Variants in KCNIP4 observed in about 807,000 individuals in gnomAD.
KCNIP4 encodes potassium voltage-gated channel interacting protein 4.
A neutral mutation model predicts 34.0 loss-of-function variants in KCNIP4; 12 were observed. The observed-to-expected ratio is 0.35, with a 90% CI of 0.23 to 0.57. The LOEUF (loss-of-function observed/expected upper bound fraction) is 0.57. Ranked by LOEUF, KCNIP4 falls within the 20% of genes least tolerant of loss-of-function variation. The pLI is 0.83. For synonymous variants in KCNIP4, 124 were observed against 102.2 expected (o/e 1.21, Z -1.29); for missense variants, 238 against 311.7 (o/e 0.76, Z 1.78).
In KCNIP4 at chr4:21,454,877, G is replaced by A. The variant is rs545165269; in HGVS notation, c.61+493694C>T. Among the ~76,000 whole-genome samples, 22 of 152,108 alleles carry A rather than the reference G, an allele frequency of 1.4e-4. No homozygotes were observed. The South Asian group carries it at 4.6e-3, about 32-fold the overall frequency. ...ATGCAACTTATTGGAAAGATACAGG[G>A]GTAGGAATCCAAGAAATATTTGGAC... On this transcript the variant is annotated intron_variant, in intron 1 of 8. Transcript: ENST00000382152.
At chr4:21,048,665 A>G (rs1742641451) in intron 1 of KCNIP4, among the ~76,000 whole-genome samples, 3 of 152,230 alleles carry the variant, frequency 2.0e-5, no homozygotes, top group African/African-American at 7.2e-5. Flanking sequence ...GAGTGAAAGA[A>G]TACTTGTAAG....
chr4:21,737,978 GCTACT>G (rs927135878), intron 1 of KCNIP4, among the ~76,000 whole-genome samples: 1 of 151,874 alleles, frequency 6.6e-6, no homozygotes, highest in Admixed American at 6.6e-5. Context: ...TGTAGTCCCA[GCTACT>G]CTGCAGGCTG....
At chr4:21,375,962 T>C (rs1219459716) in intron 1 of KCNIP4, among the ~76,000 whole-genome samples, 1 of 152,118 alleles carries the variant, frequency 6.6e-6, no homozygotes, top group Non-Finnish European at 1.5e-5. Flanking sequence ...TCCTAAGAGA[T>C]AAGGAATTTC....
chr4:20,929,708 C>A (rs981434915), intron 1 of KCNIP4, among the ~76,000 whole-genome samples: 4 of 151,834 alleles, frequency 2.6e-5, no homozygotes, highest in African/African-American at 9.7e-5. Flanking sequence ...AATCAACATA[C>A]AAAAATCAGT....
At chr4:20,890,042 C>A (rs1037970380) in intron 1 of KCNIP4, among the ~76,000 whole-genome samples, 10 of 152,150 alleles carry the variant, frequency 6.6e-5, no homozygotes, top group African/African-American at 2.4e-4. Context: ...ATCTAACCAT[C>A]TGCATCTATT....
At chr4:21,077,256 C>G (rs1197361008) in intron 1 of KCNIP4, among the ~76,000 whole-genome samples, 1 of 152,112 alleles carries the variant, frequency 6.6e-6, no homozygotes, top group Admixed American at 6.6e-5. Context: ...TCAAGGTGAT[C>G]TAAAGGGTTA....
chr4:21,018,871 A>T (rs1300830936), intron 1 of KCNIP4, among the ~76,000 whole-genome samples: 1 of 152,174 alleles, frequency 6.6e-6, no homozygotes, highest in Non-Finnish European at 1.5e-5. Flanking sequence ...GAGAGTTTGG[A>T]TAGGGTTAAT....
chr4:20,996,985 A>T (rs966226141), intron 1 of KCNIP4, among the ~76,000 whole-genome samples: 1 of 152,198 alleles, frequency 6.6e-6, no homozygotes, highest in South Asian at 2.1e-4. Context: ...CATGAAGTGC[A>T]TCAGCAAAAT....
chr4:21,334,752 A>T (rs6448045), intron 1 of KCNIP4, among the ~76,000 whole-genome samples: 82,226 of 151,780 alleles, frequency 0.54, 23,281 homozygotes, highest in African/African-American at 0.72. Flanking sequence ...TTTATATAAA[A>T]TGTATTATAC....
intron 1 of KCNIP4, among the ~76,000 whole-genome samples, chr4:20,972,252 T>C (rs955722404): frequency 2.0e-5 from 3 of 152,226 alleles, no homozygotes; most frequent in African/African-American, 7.2e-5. Flanking sequence ...CTTAATGGCA[T>C]ACAGAATGGT....
chr4:20,875,890 C>T (rs1199636447), intron 2 of KCNIP4, among the ~76,000 whole-genome samples: 1 of 152,190 alleles, frequency 6.6e-6, no homozygotes, highest in East Asian at 1.9e-4. Flanking sequence ...AAAAACAAAA[C>T]ACACTGAAAT....
intron 1 of KCNIP4, among the ~76,000 whole-genome samples, chr4:21,094,438 T>C (rs988216373): frequency 1.4e-4 from 21 of 152,150 alleles, no homozygotes; most frequent in Non-Finnish European, 3.1e-4. Flanking sequence ...GGCTAGAAGA[T>C]TGCCAGAGAT....
chr4:21,241,418 G>A lies in KCNIP4; in HGVS notation c.62-358709C>T, dbSNP rs542576650. 2.1e-4 allele frequency among the ~76,000 whole-genome samples: 32 copies of A among 152,208 alleles called. 1 individual carries two copies. Among genetic ancestry groups the A allele is most frequent in the African/African-American group, 7.0e-4 (29 of 41,528 alleles). On this transcript the variant is annotated intron_variant, in intron 1 of 8. Coordinates refer to ENST00000382152, the MANE Select transcript of KCNIP4 (RefSeq NM_025221.6). ...GTGAACACTTCTTGAAGAGGAAATG[G>A]GTTCATTCTTTGACATTCACAGAGG...
At chr4:21,181,921 G>T (rs1754872207) in intron 1 of KCNIP4, among the ~76,000 whole-genome samples, 1 of 152,042 alleles carries the variant, frequency 6.6e-6, no homozygotes, top group African/African-American at 2.4e-5. Flanking sequence ...TCAAACATTT[G>T]CTTTACTAAA....
chr4:21,380,597 T>C (rs1298949189), intron 1 of KCNIP4, among the ~76,000 whole-genome samples: 1 of 152,008 alleles, frequency 6.6e-6, no homozygotes. Flanking sequence ...CAAGAATAAA[T>C]CAATGAAATG....
At chr4:20,736,677 T>C (rs1026177524) in intron 5 of KCNIP4, among the ~76,000 whole-genome samples, 3 of 152,232 alleles carry the variant, frequency 2.0e-5, no homozygotes, top group African/African-American at 7.2e-5. Flanking sequence ...TGAGAATATT[T>C]CAATTCGCTT....
intron 1 of KCNIP4, among the ~76,000 whole-genome samples, chr4:21,015,833 CAATATATACAATATATAA>C (rs1283925779): frequency 7.9e-5 from 10 of 126,924 alleles, no homozygotes; most frequent in East Asian, 2.2e-4. Flanking sequence ...AAAATATATA[CAATATATACAATATATAA>C]AATATATACA....
chr4:21,590,237 T>G (rs1742088599), intron 1 of KCNIP4, among the ~76,000 whole-genome samples: 1 of 152,044 alleles, frequency 6.6e-6, no homozygotes. Context: ...TGAAACCTAT[T>G]CTAAAGTGTT....
intron 1 of KCNIP4, among the ~76,000 whole-genome samples, chr4:21,132,371 G>T (rs772206354): frequency 3.9e-5 from 6 of 152,112 alleles, no homozygotes; most frequent in Non-Finnish European, 7.4e-5. Context: ...TCATACTTGT[G>T]GAATGAATAT....
Sources: gnomAD v4.1 joint callset for allele counts (sites outside exome capture counted in the v4.1 genomes callset) on GRCh38, gnomAD v4.1.1 for gene constraint, MANE v1.5 for transcripts, NCBI Gene and HGNC (gene_info 2026-07-23, HGNC 2026-07-21) for gene names.